The following FRK variants were observed in gnomAD, a reference collection of about 807,000 sequenced individuals.
The protein encoded by FRK is tyrosine-protein kinase FRK.
Under a neutral mutation model 56.4 loss-of-function variants are expected in FRK, and 51 were observed. The ratio of observed to expected loss-of-function variants is 0.90; its 90% CI spans 0.72 to 1.14. FRK has a LOEUF of 1.14. Ranked by LOEUF, FRK falls within the 50% of genes most tolerant of loss-of-function variation. The pLI is 0.00. For synonymous variants in FRK, 245 were observed against 217.9 expected (o/e 1.12, Z -1.10); for missense variants, 570 against 601.4 (o/e 0.95, Z 0.55).
chr6:116,017,648 C>G (rs1338693393), intron 1 of FRK, among the ~76,000 whole-genome samples: 1 of 152,156 alleles, frequency 6.6e-6, no homozygotes, highest in Non-Finnish European at 1.5e-5. Context: ...AAGACTGTCC[C>G]AGGAAGTGTG....
chr6:116,081,696 TAAC>T, the FRK span, among the ~76,000 whole-genome samples: 2 of 151,650 alleles, frequency 1.3e-5, no homozygotes, highest in African/African-American at 4.8e-5. Flanking sequence ...ACATAAAAGA[TAAC>T]AATAATAATA....
At chr6:116,053,069 G>T (rs896131704) in intron 1 of FRK, among the ~76,000 whole-genome samples, 1 of 151,982 alleles carries the variant, frequency 6.6e-6, no homozygotes, top group African/African-American at 2.4e-5. Flanking sequence ...ATTTGCTCAG[G>T]CTCACACAGC....
At chr6:116,006,014 A>G (rs1775235039) in intron 1 of FRK, among the ~76,000 whole-genome samples, 1 of 152,214 alleles carries the variant, frequency 6.6e-6, no homozygotes, top group Admixed American at 6.5e-5. Context: ...GAAAAGATTG[A>G]TAATATTTAT....
At chr6:116,025,788 A>G (rs1776065068) in intron 1 of FRK, among the ~76,000 whole-genome samples, 1 of 152,176 alleles carries the variant, frequency 6.6e-6, no homozygotes, top group Non-Finnish European at 1.5e-5. Context: ...GTTCCACAAT[A>G]CAGAATAATA....
At chr6:116,088,937 T>C in the FRK span, among the ~76,000 whole-genome samples, 1 of 152,218 alleles carries the variant, frequency 6.6e-6, no homozygotes, top group Non-Finnish European at 1.5e-5. Context: ...TCACAGTTTA[T>C]AAGGGATTCC....
At chr6:116,020,356 A>T (rs1416497995) in intron 1 of FRK, among the ~76,000 whole-genome samples, 1 of 151,254 alleles carries the variant, frequency 6.6e-6, no homozygotes, top group South Asian at 2.1e-4. Context: ...CAATGGCATG[A>T]TCTTGGCTCA....
chr6:116,062,462 G>GAAAAA (rs550646718), upstream of FRK, among the ~76,000 whole-genome samples: 1 of 119,214 alleles, frequency 8.4e-6, no homozygotes, highest in Non-Finnish European at 1.8e-5. Context: ...ATCTAAAAAT[G>GAAAAA]AAAAAAAAAA....
the FRK span, among the ~76,000 whole-genome samples, chr6:116,087,341 T>TA: frequency 2.0e-5 from 3 of 152,184 alleles, no homozygotes; most frequent in African/African-American, 7.2e-5. Flanking sequence ...GTTTATTCAA[T>TA]AAAATATTTC....
intron 1 of FRK, among the ~76,000 whole-genome samples, chr6:116,021,115 T>G (rs1214619372): frequency 6.6e-6 from 1 of 151,720 alleles, no homozygotes; most frequent in East Asian, 1.9e-4. Flanking sequence ...ATGTTTTAAA[T>G]GCTGAGAAAC....
At chr6:115,990,488 T>A (rs1353157577) in intron 2 of FRK, among the ~76,000 whole-genome samples, 1 of 151,962 alleles carries the variant, frequency 6.6e-6, no homozygotes, top group African/African-American at 2.4e-5. Flanking sequence ...TTCTTCTGCA[T>A]ACGGCTACAC....
chr6:116,024,248 C>G (rs1775989542), intron 1 of FRK, among the ~76,000 whole-genome samples: 1 of 151,664 alleles, frequency 6.6e-6, no homozygotes, highest in Non-Finnish European at 1.5e-5. Context: ...CTTATTTTTT[C>G]CTTTTTCTTT....
chr6:116,003,613 G>C (rs1775143033), intron 2 of FRK, among the ~76,000 whole-genome samples: 1 of 152,130 alleles, frequency 6.6e-6, no homozygotes, highest in Non-Finnish European at 1.5e-5. Context: ...TAATGCAAAA[G>C]TTAGAAACTG....
chr6:116,092,413 G>A, the FRK span, among the ~76,000 whole-genome samples: 2 of 152,174 alleles, frequency 1.3e-5, no homozygotes, highest in Non-Finnish European at 2.9e-5. Flanking sequence ...TTATAGGACA[G>A]TGGTAAGGTC....
At chr6:115,957,011 C>T (rs1028722666) in intron 4 of FRK, among the ~76,000 whole-genome samples, 12 of 152,176 alleles carry the variant, frequency 7.9e-5, no homozygotes, top group South Asian at 6.2e-4. Flanking sequence ...CTGCCCTGTC[C>T]TTGGTGCCCA....
chr6:116,073,062 C>G, the FRK span, among the ~76,000 whole-genome samples: 2,903 of 152,192 alleles, frequency 0.019, 41 homozygotes, highest in Non-Finnish European at 0.029. Context: ...AAGAATGTAT[C>G]AATATGTCTC....
In FRK at chr6:115,967,650, T is replaced by C. The variant is rs764375270; in HGVS notation, c.700A>G (p.Ile234Val). 3 of 1,613,700 alleles carry C rather than the reference T, an allele frequency of 1.9e-6. No individual in the cohort carries two copies. The highest frequency in any genetic ancestry group is 1.1e-5 in the South Asian group (1 of 91,058). The change falls in exon 4 of 8, where the codon ATA becomes GTA. Residue 234 changes from isoleucine (I) to valine (V), a missense_variant. Ile to Val is a conservative substitution (Grantham distance 29, BLOSUM62 3). Coordinates refer to ENST00000606080, the MANE Select transcript of FRK (RefSeq NM_002031.3). ...GATCCCAATCGCTTCAGAAGCTGTATGGAGTTGCGGTCTATCTCCCATTGG... is the reference window on the plus strand; with the variant it reads ...GATCCCAATCGCTTCAGAAGCTGTACGGAGTTGCGGTCTATCTCCCATTGG... ...VDQWEIDRNS[I>V]QLLKRLGSGQ...
chr6:116,090,495 G>T, the FRK span, among the ~76,000 whole-genome samples: 1 of 152,180 alleles, frequency 6.6e-6, no homozygotes. Context: ...AGTGTGGAGA[G>T]GCAGGCCTGA....
intron 4 of FRK, among the ~76,000 whole-genome samples, chr6:115,958,245 T>C (rs568868347): frequency 1.3e-5 from 2 of 150,454 alleles, no homozygotes; most frequent in African/African-American, 2.5e-5. Flanking sequence ...GTTTGGCCTA[T>C]GGTCAAATAT....
At chr6:116,019,277 G>T (rs1318750575) in intron 1 of FRK, among the ~76,000 whole-genome samples, 2 of 152,110 alleles carry the variant, frequency 1.3e-5, no homozygotes, top group African/African-American at 4.8e-5. Context: ...AAATAAACTT[G>T]CATTCATACT....
Sources: allele counts gnomAD v4.1 joint callset (sites outside exome capture counted in the v4.1 genomes callset), GRCh38; gene constraint gnomAD v4.1.1; transcripts MANE v1.5; gene names NCBI Gene and HGNC (gene_info 2026-07-23, HGNC 2026-07-21).